The following SGCZ variants were observed in gnomAD, a reference collection of about 807,000 sequenced individuals.
The protein encoded by SGCZ is sarcoglycan zeta, also known as zeta-sarcoglycan.
SGCZ carries 40 observed loss-of-function variants against 41.3 expected under a neutral mutation model. The observed-to-expected ratio is 0.97, with a 90% CI of 0.75 to 1.26. SGCZ has a LOEUF of 1.26. Ranked by LOEUF, SGCZ falls within the 50% of genes most tolerant of loss-of-function variation. The probability of loss-of-function intolerance (pLI) is 0.00; values close to 1 mark genes in which losing one functional copy is unlikely to be tolerated. For missense variants in SGCZ, 552 were observed against 369.8 expected (o/e 1.49, Z -4.04); for synonymous variants, 206 against 137.5 (o/e 1.50, Z -3.49).
At chr8:14,528,796 C>G (rs192477135) in intron 2 of SGCZ, among the ~76,000 whole-genome samples, 1 of 137,922 alleles carries the variant, frequency 7.3e-6, no homozygotes, top group Non-Finnish European at 1.5e-5. Context: ...GCACTACTGT[C>G]TTAGGTAATA....
intron 1 of SGCZ, among the ~76,000 whole-genome samples, chr8:14,693,292 C>CT (rs571217799): frequency 2.3e-3 from 146 of 62,884 alleles, no homozygotes; most frequent in African/African-American, 0.014. Flanking sequence ...TAATTGAATA[C>CT]CTTTTTTTTT....
At chr8:14,199,590 G>T (rs1009251841) in intron 4 of SGCZ, among the ~76,000 whole-genome samples, 3 of 151,880 alleles carry the variant, frequency 2.0e-5, no homozygotes, top group Non-Finnish European at 4.4e-5. Context: ...ACGGCTCGGG[G>T]GGCATCACGG....
At chr8:14,914,624 A>C (rs778372302) in intron 1 of SGCZ, among the ~76,000 whole-genome samples, 2 of 152,212 alleles carry the variant, frequency 1.3e-5, no homozygotes, top group Non-Finnish European at 2.9e-5. Context: ...AAAATAATTC[A>C]AGATCTAAAT....
chr8:14,185,125 G>A (rs1804860330), intron 4 of SGCZ, among the ~76,000 whole-genome samples: 1 of 152,076 alleles, frequency 6.6e-6, no homozygotes, highest in Non-Finnish European at 1.5e-5. Flanking sequence ...CTTTCACCCA[G>A]GCACGGTGGC....
rs187527878 is a variant in SGCZ at position 14,754,777 on chromosome 8, G to A, written c.40-199851C>T. 5.3e-5 allele frequency among the ~76,000 whole-genome samples: 8 copies of A among 152,124 alleles called. 1 individual carries two copies. Among genetic ancestry groups the A allele is most frequent in the East Asian group, 3.9e-4 (2 of 5,162 alleles). On this transcript the variant is annotated intron_variant, in intron 1 of 7. Coordinates refer to ENST00000382080, the MANE Select transcript of SGCZ (RefSeq NM_139167.4). ...GGCTGGAGTGCAGTGGTATAACCTC[G>A]GTTCACTGCAACCTTCCTGGGCTCA... is the stretch of plus-strand genomic sequence containing the variant.
chr8:14,340,893 T>G (rs1802681032), intron 2 of SGCZ, among the ~76,000 whole-genome samples: 1 of 152,082 alleles, frequency 6.6e-6, no homozygotes, highest in South Asian at 2.1e-4. Context: ...CTTAAGAAAT[T>G]TTTATTAACC....
At chr8:15,015,428 G>A (rs1024657096) in intron 1 of SGCZ, among the ~76,000 whole-genome samples, 2 of 151,662 alleles carry the variant, frequency 1.3e-5, no homozygotes, top group Non-Finnish European at 2.9e-5. Context: ...GGCTGGGCAC[G>A]GTGGCTCACA....
chr8:14,225,447 G>C (rs187920983), intron 4 of SGCZ, among the ~76,000 whole-genome samples: 1 of 151,118 alleles, frequency 6.6e-6, no homozygotes, highest in African/African-American at 2.4e-5. Flanking sequence ...TTGAGGCTGA[G>C]ATAAATGACC....
chr8:14,814,242 C>G (rs1585284367), intron 1 of SGCZ, among the ~76,000 whole-genome samples: 1 of 152,022 alleles, frequency 6.6e-6, no homozygotes, highest in Non-Finnish European at 1.5e-5. Flanking sequence ...ATTTTAAAAG[C>G]CTTAGGGGAC....
intron 1 of SGCZ, among the ~76,000 whole-genome samples, chr8:14,807,663 AT>A (rs1801587972): frequency 1.3e-5 from 2 of 151,920 alleles, no homozygotes; most frequent in South Asian, 4.2e-4. Flanking sequence ...GCCCAAGGTA[AT>A]TTACAGATTC....
intron 4 of SGCZ, among the ~76,000 whole-genome samples, chr8:14,195,012 T>C (rs914303962): frequency 2.6e-5 from 4 of 152,084 alleles, no homozygotes; most frequent in African/African-American, 9.7e-5. Context: ...AGAATATTTA[T>C]AGAAACCCTA....
At chr8:14,826,843 C>G (rs1004321002) in intron 1 of SGCZ, among the ~76,000 whole-genome samples, 4 of 152,158 alleles carry the variant, frequency 2.6e-5, no homozygotes, top group African/African-American at 9.7e-5. Flanking sequence ...AGCCTTTTCT[C>G]AGATGAGTAG....
chr8:14,167,780 C>T (rs559848217), intron 4 of SGCZ, among the ~76,000 whole-genome samples: 62 of 152,274 alleles, frequency 4.1e-4, no homozygotes, highest in African/African-American at 1.3e-3. Flanking sequence ...GGCTCCATCA[C>T]TTTTTTTGAA....
chr8:14,709,273 G>C (rs910476304), intron 1 of SGCZ, among the ~76,000 whole-genome samples: 3 of 152,092 alleles, frequency 2.0e-5, no homozygotes, highest in Admixed American at 2.0e-4. Context: ...TTTGATCTTC[G>C]TCTTGATCTG....
intron 2 of SGCZ, among the ~76,000 whole-genome samples, chr8:14,374,899 A>C (rs1354526811): frequency 1.3e-5 from 2 of 152,166 alleles, no homozygotes; most frequent in Non-Finnish European, 2.9e-5. Flanking sequence ...CAAATTTCAG[A>C]ATGAGAGGGA....
intron 2 of SGCZ, among the ~76,000 whole-genome samples, chr8:14,342,938 G>T (rs918769881): frequency 1.3e-5 from 2 of 152,128 alleles, no homozygotes; most frequent in Non-Finnish European, 2.9e-5. Context: ...TGGGCCCAGG[G>T]TCCCTGGGCT....
At chr8:14,354,265 A>G (rs1256784299) in intron 2 of SGCZ, among the ~76,000 whole-genome samples, 1 of 152,020 alleles carries the variant, frequency 6.6e-6, no homozygotes, top group Non-Finnish European at 1.5e-5. Context: ...ATGACTGATT[A>G]GTCAGTACTG....
At position 14,866,264 on chromosome 8, in the gene SGCZ, T is replaced by C. The variant is rs911703166; in HGVS notation, c.40-311338A>G. The stretch of plus-strand genomic sequence containing the variant: ...TAAGTGATAATTTTTTAAAAGTTTA[T>C]TGTGAAGTTTGCTGTATTTAAAATA... On this transcript the variant is annotated intron_variant, in intron 1 of 7. Coordinates refer to ENST00000382080, the MANE Select transcript of SGCZ (RefSeq NM_139167.4). Among the ~76,000 whole-genome samples the C allele has an allele frequency of 9.9e-5, 15 of 152,254 alleles. No homozygotes were observed. In the East Asian group the frequency reaches 2.9e-3, roughly 29 times the overall value.
intron 2 of SGCZ, among the ~76,000 whole-genome samples, chr8:14,436,720 C>T (rs977891215): frequency 2.0e-5 from 3 of 152,156 alleles, no homozygotes; most frequent in Non-Finnish European, 2.9e-5. Flanking sequence ...AAATCTTGAC[C>T]TCTGAGTACA....
Sources: gnomAD v4.1 joint callset for allele counts (sites outside exome capture counted in the v4.1 genomes callset) on GRCh38, gnomAD v4.1.1 for gene constraint, MANE v1.5 for transcripts, NCBI Gene and HGNC (gene_info 2026-07-23, HGNC 2026-07-21) for gene names.